The following ASB7 variants were observed in gnomAD, a reference collection of about 807,000 sequenced individuals.
ASB7 encodes ankyrin repeat and SOCS box protein 7.
Under a neutral mutation model 32.5 loss-of-function variants are expected in ASB7, and 4 were observed. That is an observed-to-expected ratio of 0.12 (90% CI 0.06 to 0.28). The LOEUF is 0.28. Among genes scored for constraint, ASB7 ranks in the 10% least tolerant of loss-of-function variants. The probability of loss-of-function intolerance (pLI) is 1.00; values close to 1 mark genes in which losing one functional copy is unlikely to be tolerated. For synonymous variants in ASB7, 172 were observed against 155.6 expected, an observed-to-expected ratio of 1.11 and a Z score of -0.78; for missense variants, 181 against 407.1, an observed-to-expected ratio of 0.44 and a Z score of 4.78.
Position 100,639,618 on chromosome 15 carries a change from A to G in ASB7, c.818-8705A>G, listed in dbSNP as rs563644833. On this transcript the variant is annotated intron_variant, in intron 5 of 5. Transcript: ENST00000332783. ...TGGTTTATCCAAAGCAATGTTGCGT[A>G]GTACAACTCTTTGGAGAAGTAATTT... is the stretch of plus-strand genomic sequence containing the variant. 2.0e-5 allele frequency among the ~76,000 whole-genome samples: 3 copies of G among 152,352 alleles called. No individual in the cohort carries two copies. The East Asian group carries it at 5.8e-4, about 29-fold the overall frequency.
At chr15:100,605,196 A>G (rs922573996) in intron 2 of ASB7, among the ~76,000 whole-genome samples, 2 of 152,240 alleles carry the variant, frequency 1.3e-5, no homozygotes, top group African/African-American at 4.8e-5. Flanking sequence ...TCATGTTTCT[A>G]ATATCAGAAT....
intron 5 of ASB7, among the ~76,000 whole-genome samples, chr15:100,647,900 A>G (rs1487032951): frequency 6.6e-6 from 1 of 152,190 alleles, no homozygotes; most frequent in East Asian, 1.9e-4. Context: ...TTGAGAAGCC[A>G]AGGCTCAGAG....
chr15:100,641,386 C>T (rs2039960801), intron 5 of ASB7, among the ~76,000 whole-genome samples: 1 of 152,166 alleles, frequency 6.6e-6, no homozygotes, highest in African/African-American at 2.4e-5. Flanking sequence ...CTTAGACTGT[C>T]TTAGAAATGA....
chr15:100,606,350 A>G (rs2039644857), intron 2 of ASB7, among the ~76,000 whole-genome samples: 1 of 152,242 alleles, frequency 6.6e-6, no homozygotes, highest in African/African-American at 2.4e-5. Flanking sequence ...CAGAAAGCAC[A>G]GTTCAGTTTG....
rs543831336 is a variant in ASB7 at position 100,645,261 on chromosome 15, C to T, written c.818-3062C>T. On this transcript the variant is annotated intron_variant, in intron 5 of 5. Coordinates refer to ENST00000332783, the MANE Select transcript of ASB7 (RefSeq NM_198243.3). ...AACACGAACTTTTGTATTATAAATACAAAATAAGAAAAGACAGTGATATGT... is the reference window on the plus strand; with the variant it reads ...AACACGAACTTTTGTATTATAAATATAAAATAAGAAAAGACAGTGATATGT... Among the ~76,000 whole-genome samples the T allele has an allele frequency of 3.3e-5, 5 of 151,828 alleles. No homozygotes were observed. The East Asian group carries it at 9.7e-4, about 29-fold the overall frequency.
chr15:100,624,351 G>A (rs1441969343), intron 4 of ASB7, among the ~76,000 whole-genome samples: 1 of 152,190 alleles, frequency 6.6e-6, no homozygotes, highest in Non-Finnish European at 1.5e-5. Context: ...AGGTGATGAT[G>A]GATAACGCAG....
intron 5 of ASB7, among the ~76,000 whole-genome samples, chr15:100,632,289 A>G (rs1010232581): frequency 6.6e-6 from 1 of 152,232 alleles, no homozygotes; most frequent in Non-Finnish European, 1.5e-5. Context: ...GAGGAAGCAC[A>G]GGCTGCTTTC....
At chr15:100,609,565 A>G (rs1040455093) in intron 2 of ASB7, 142 bp from the exon 3 acceptor site, 1 of 152,200 alleles carries the variant, frequency 6.6e-6, no homozygotes, top group Non-Finnish European at 1.5e-5. Context: ...TTTCTGTAAG[A>G]GTTGATCTGA....
At chr15:100,641,288 T>C (rs372042558) in intron 5 of ASB7, among the ~76,000 whole-genome samples, 8 of 152,244 alleles carry the variant, frequency 5.3e-5, no homozygotes, top group African/African-American at 1.4e-4. Context: ...GTAAATACTT[T>C]TAGGCGATCT....
At chr15:100,645,784 T>C in intron 5 of ASB7, 3 of 1,565,248 alleles carry the variant, frequency 1.9e-6, no homozygotes. Context: ...AATTAAACAC[T>C]TTATTTCCTG....
chr15:100,647,679 C>A (rs1198225813), intron 5 of ASB7, among the ~76,000 whole-genome samples: 1 of 152,122 alleles, frequency 6.6e-6, no homozygotes, highest in East Asian at 1.9e-4. Flanking sequence ...CTTTTTCACA[C>A]CCCCTTCTGC....
At chr15:100,609,521 A>G (rs562063156) in intron 2 of ASB7, 186 bp from the exon 3 acceptor site, 1 of 152,312 alleles carries the variant, frequency 6.6e-6, no homozygotes, top group South Asian at 2.1e-4. Flanking sequence ...ACTAAATAGT[A>G]TTTATTGGAG....
intron 5 of ASB7, chr15:100,638,316 C>T (rs942513305): frequency 5.3e-5 from 8 of 152,186 alleles, no homozygotes; most frequent in Non-Finnish European, 1.5e-5. Context: ...ACTACGTAGG[C>T]TCTGCAGAGA....
In ASB7 at chr15:100,650,495, T is replaced by G. The variant is rs2040024698; in HGVS notation, c.*2033T>G. 1 of 152,184 alleles carries G rather than the reference T, an allele frequency of 6.6e-6. No individual in the cohort carries two copies. Among genetic ancestry groups the G allele is most frequent in the African/African-American group, 2.4e-5 (1 of 41,446 alleles). 9.4% of individuals were successfully genotyped at this position (152,184 alleles called of 1,614,324 possible). A position where few individuals can be genotyped will look rare whatever the true frequency, so the allele number is the denominator to read the frequency against. ...AGTTTCTGCACTCTCATCAGTGATG[T>G]TCATGTTACACTTGCACAAGGGCTG... is the stretch of plus-strand genomic sequence containing the variant. On this transcript the variant is annotated 3_prime_UTR_variant, in exon 6 of 6. Transcript: ENST00000332783.
chr15:100,611,038 A>G (rs113406897), intron 3 of ASB7, among the ~76,000 whole-genome samples: 7,969 of 152,126 alleles, frequency 0.052, 209 homozygotes, highest in Middle Eastern at 0.071. Context: ...AGGAGGTCTC[A>G]TTTTACTTTC....
At chr15:100,625,424 A>G (rs1163250117) in intron 4 of ASB7, among the ~76,000 whole-genome samples, 2 of 152,246 alleles carry the variant, frequency 1.3e-5, no homozygotes, top group Admixed American at 1.3e-4. Context: ...TATTTCTATC[A>G]GCAGTCATCA....
At chr15:100,624,894 A>G (rs1488744878) in intron 4 of ASB7, among the ~76,000 whole-genome samples, 1 of 114,228 alleles carries the variant, frequency 8.8e-6, no homozygotes, top group Non-Finnish European at 2.1e-5. Context: ...AATCCAGTCT[A>G]TTGGTGTATA....
intron 5 of ASB7, among the ~76,000 whole-genome samples, chr15:100,633,422 C>G (rs958432825): frequency 3.9e-5 from 6 of 151,922 alleles, no homozygotes; most frequent in Admixed American, 2.6e-4. Context: ...ACTAAAAATA[C>G]AAAAATTAGC....
chr15:100,623,962 T>C (rs2039814635), intron 4 of ASB7, among the ~76,000 whole-genome samples: 1 of 152,316 alleles, frequency 6.6e-6, no homozygotes, highest in Non-Finnish European at 1.5e-5. Context: ...GTGGTATATA[T>C]ACACACAATA....
Sources: gnomAD v4.1 joint callset for allele counts (sites outside exome capture counted in the v4.1 genomes callset) on GRCh38, gnomAD v4.1.1 for gene constraint, MANE v1.5 for transcripts, NCBI Gene and HGNC (gene_info 2026-07-23, HGNC 2026-07-21) for gene names.